MATR3: variants seen among roughly 807,000 people sequenced by gnomAD.
The protein encoded by MATR3 is matrin-3.
A neutral mutation model predicts 85.5 loss-of-function variants in MATR3; 4 were observed. The ratio of observed to expected loss-of-function variants is 0.05; its 90% CI spans 0.02 to 0.11. The LOEUF is 0.11. Among genes scored for constraint, MATR3 ranks in the 10% least tolerant of loss-of-function variants. MATR3 has a pLI of 1.00. For synonymous variants in MATR3, 336 were observed against 343.1 expected (o/e 0.98, Z 0.23); for missense variants, 685 against 1,016.1 (o/e 0.67, Z 4.43).
chr5:139,297,348 T>C (rs1754208833), intron 1 of MATR3, among the ~76,000 whole-genome samples: 1 of 152,214 alleles, frequency 6.6e-6, no homozygotes, highest in Admixed American at 6.5e-5. Flanking sequence ...CTGTAATTTA[T>C]AATTATTAGC....
chr5:139,276,165 T>G, intron 2 of MATR3: 1 of 456,750 alleles, frequency 2.2e-6, no homozygotes, highest in Admixed American at 2.3e-5. Flanking sequence ...GTGCAACCCC[T>G]TCAGCTCTCT....
chr5:139,324,292 T>G (rs76636848), intron 12 of MATR3, among the ~76,000 whole-genome samples: 1 of 129,458 alleles, frequency 7.7e-6, no homozygotes, highest in African/African-American at 3.3e-5. Context: ...GCATGATTGT[T>G]TTTTTTTTTT....
intron 2 of MATR3, 76 bp downstream of exon 2, chr5:139,308,403 C>T (rs1754814688): frequency 2.6e-6 from 4 of 1,533,730 alleles, no homozygotes; most frequent in Non-Finnish European, 3.6e-6. Context: ...GACTCTAATT[C>T]TGTAGTCTGA....
At chr5:139,289,763 AC>A (rs1221876741), upstream of MATR3, among the ~76,000 whole-genome samples, 1 of 152,086 alleles carries the variant, frequency 6.6e-6, no homozygotes, top group African/African-American at 2.4e-5. Flanking sequence ...AAAACAAAAA[AC>A]CCTTAATCCT....
intron 2 of MATR3, chr5:139,313,818 C>T (rs1234246719): frequency 6.6e-6 from 1 of 152,206 alleles, no homozygotes; most frequent in Non-Finnish European, 1.5e-5. Context: ...TAATGCTAAT[C>T]ATGGTGTATT....
intron 1 of MATR3, among the ~76,000 whole-genome samples, chr5:139,300,854 C>A (rs1048969707): frequency 6.6e-6 from 1 of 151,746 alleles, no homozygotes; most frequent in African/African-American, 2.4e-5. Context: ...GCTCTTGTTG[C>A]CCAGGCTGGA....
At chr5:139,298,325 A>G (rs1754266744) in intron 1 of MATR3, among the ~76,000 whole-genome samples, 1 of 152,206 alleles carries the variant, frequency 6.6e-6, no homozygotes, top group Admixed American at 6.5e-5. Context: ...TAATCCCAGC[A>G]CTTTGGGGGC....
chr5:139,329,637 A>G lies in MATR3; in HGVS notation c.*242A>G, dbSNP rs1449763388. ...CAACAGACAGAAGTACTTTGTAGAG[A>G]TTGACTTCCTAAGCTACTTAAGACA... On this transcript the variant is annotated 3_prime_UTR_variant, in exon 15 of 15. Coordinates refer to ENST00000394805, the MANE Select transcript of MATR3 (RefSeq NM_018834.6). 5 of 524,124 alleles carry G rather than the reference A, an allele frequency of 9.5e-6. No individual in the cohort carries two copies. The highest frequency in any genetic ancestry group is 1.5e-5 in the Non-Finnish European group (4 of 274,000). The allele number at this position is 524,124 out of a possible 1,614,324, so 32.5% of individuals were successfully genotyped here.
rs748298899 is a variant in MATR3, at chr5:139,330,450, T to C, written c.*1055T>C. The stretch of plus-strand genomic sequence containing the variant: ...TTTGGAATGTTAACCAACGTATTTG[T>C]CAGTTGTGGTTTTTATTCGCTCTTA... On this transcript the variant is annotated 3_prime_UTR_variant, in exon 15 of 15. Transcript: ENST00000394805. 1.8e-5 allele frequency: 8 copies of C among 454,492 alleles called. No individual in the cohort carries two copies. Among genetic ancestry groups the C allele is most frequent in the South Asian group, 1.2e-4 (8 of 64,480 alleles). 28.2% of individuals were successfully genotyped at this position (454,492 alleles called of 1,614,324 possible).
rs1338103624 is a variant in MATR3, at chr5:139,307,057, AATATCT to A, written c.-177-177_-177-172del. ...CTTTAGCATGAAATACTACTTTTTA[AATATCT>A]ATATGCAGGCTCTGCATACATCAGG... On this transcript the variant is annotated intron_variant, in intron 1 of 14. Transcript: ENST00000394805. The surrounding 1 kb of genome is among the most constrained non-coding windows in gnomAD (Gnocchi z 4.4). Among the ~76,000 whole-genome samples the A allele has an allele frequency of 6.6e-6, 1 of 152,112 alleles. No homozygotes were observed. The highest frequency in any genetic ancestry group is 1.5e-5 in the Non-Finnish European group (1 of 68,016).
chr5:139,311,750 C>CTTTTTTTTTTTTT lies in MATR3; in HGVS notation c.913-2902_913-2890dup, dbSNP rs552172719. 3.4e-4 allele frequency: 22 copies of CTTTTTTTTTTTTT among 65,236 alleles called. 1 individual carries two copies. The highest frequency in any genetic ancestry group is 8.0e-4 in the East Asian group (1 of 1,252). The allele number at this position is 65,236 out of a possible 1,614,324, so 4.0% of individuals were successfully genotyped here. On this transcript the variant is annotated intron_variant, in intron 2 of 14. Coordinates refer to ENST00000394805, the MANE Select transcript of MATR3 (RefSeq NM_018834.6). ...TTAATTGGTATTTGTTTAATTAATC[C>CTTTTTTTTTTTTT]TTTTTTTTTTTTTTTTTTTTTTTTT...
In MATR3 at chr5:139,329,521, A is replaced by G; in HGVS notation, c.*126A>G. The G allele has an allele frequency of 1.3e-6, 1 of 779,858 alleles. No homozygotes were observed. Among genetic ancestry groups the G allele is most frequent in the Non-Finnish European group, 2.2e-6 (1 of 459,646 alleles). 48.3% of individuals were successfully genotyped at this position (779,858 alleles called of 1,614,324 possible). ...TGTACTCTTTTGTTTTAGTGGAGAA[A>G]TAATAGATGTCTGTTCATGTGTTAA... On this transcript the variant is annotated 3_prime_UTR_variant, in exon 15 of 15. Coordinates refer to ENST00000394805, the MANE Select transcript of MATR3 (RefSeq NM_018834.6).
intron 3 of MATR3, among the ~76,000 whole-genome samples, chr5:139,286,088 A>G (rs1753693504): frequency 6.6e-6 from 1 of 152,206 alleles, no homozygotes; most frequent in Admixed American, 6.5e-5. Flanking sequence ...CAAAAGACAG[A>G]GTTTTGAAAT....
At chr5:139,298,801 G>A (rs1754292364) in intron 1 of MATR3, among the ~76,000 whole-genome samples, 2 of 152,092 alleles carry the variant, frequency 1.3e-5, no homozygotes, top group South Asian at 4.1e-4. Flanking sequence ...TTTGCACCAA[G>A]GGACACCAAG....
At position 139,322,712 on chromosome 5, in the gene MATR3, C is replaced by T. The variant is rs143527811; in HGVS notation, c.1893C>T (p.Ser631=). Residue 631 remains serine (S), a synonymous_variant, in exon 12 of 15, where the codon TCC becomes TCT. Transcript: ENST00000394805. ...AAGGTAAAGAACAAGAAGAGAAGTC[C>T]GGTGAAGATGGTGAGAAAGACACAA... The part of the protein sequence containing the change: ...STEGKEQEEK[S]GEDGEKDTKD... 920 of 1,614,018 alleles carry T rather than the reference C, an allele frequency of 5.7e-4. 1 individual carries two copies. The highest frequency in any genetic ancestry group is 2.6e-3 in the South Asian group (237 of 91,064).
intron 14 of MATR3, among the ~76,000 whole-genome samples, chr5:139,328,434 C>G (rs1755967617): frequency 6.6e-6 from 1 of 152,072 alleles, no homozygotes; most frequent in African/African-American, 2.4e-5. Context: ...TTTGTACTTT[C>G]ATTAGTGTCT....
intron 14 of MATR3, 42 bp downstream of exon 14, chr5:139,326,326 A>C: frequency 6.2e-7 from 1 of 1,602,968 alleles, no homozygotes; most frequent in African/African-American, 1.3e-5. Flanking sequence ...AAAACTTAAC[A>C]AGTTATGGAA....
intron 2 of MATR3, chr5:139,311,868 A>G (rs1755001088): frequency 7.0e-6 from 1 of 142,608 alleles, no homozygotes; most frequent in African/African-American, 2.6e-5. Flanking sequence ...TTCGGGTTCA[A>G]GCAATTCTCC....
At chr5:139,275,151 T>A (rs1753224286) in intron 1 of MATR3, among the ~76,000 whole-genome samples, 1 of 117,742 alleles carries the variant, frequency 8.5e-6, no homozygotes, top group African/African-American at 3.2e-5. Flanking sequence ...AATTTTTTTT[T>A]TTTTTTTTTT....
Sources: gnomAD v4.1 joint callset for allele counts (sites outside exome capture counted in the v4.1 genomes callset) on GRCh38, gnomAD v4.1.1 for gene constraint, Gnocchi (gnomAD v3.1) non-coding constraint, MANE v1.5 for transcripts, NCBI Gene and HGNC (gene_info 2026-07-23, HGNC 2026-07-21) for gene names.